Variants in RCOR1 observed in about 807,000 individuals in gnomAD.
RCOR1 encodes the protein REST corepressor 1, also known as REST corepressor.
Under a neutral mutation model 64.0 loss-of-function variants are expected in RCOR1, and 12 were observed. The ratio of observed to expected loss-of-function variants is 0.19; its 90% CI spans 0.12 to 0.30. The LOEUF (loss-of-function observed/expected upper bound fraction) is 0.30, where lower values mean the gene tolerates loss of function less well. Ranked by LOEUF, RCOR1 falls within the 10% of genes least tolerant of loss-of-function variation. The pLI, the probability that RCOR1 is intolerant of heterozygous loss-of-function variation, is 1.00. For synonymous variants in RCOR1, 279 were observed against 227.2 expected (o/e 1.23, Z -2.05); for missense variants, 502 against 621.2 (o/e 0.81, Z 2.04).
At chr14:102,640,513 C>T (rs1175092626) in intron 2 of RCOR1, among the ~76,000 whole-genome samples, 2 of 152,060 alleles carry the variant, frequency 1.3e-5, no homozygotes, top group Non-Finnish European at 1.5e-5. Flanking sequence ...GATCGAGACA[C>T]CTGTCTTGTA....
intron 2 of RCOR1, among the ~76,000 whole-genome samples, chr14:102,677,544 G>A (rs1431476440): frequency 2.4e-3 from 250 of 104,396 alleles, no homozygotes; most frequent in Middle Eastern, 0.015. Flanking sequence ...CAGCAGAGGC[G>A]CTCCTCACAT....
intron 2 of RCOR1, among the ~76,000 whole-genome samples, chr14:102,611,515 T>C (rs1443123223): frequency 6.6e-6 from 1 of 152,234 alleles, no homozygotes; most frequent in Non-Finnish European, 1.5e-5. Context: ...GATTTTTGGA[T>C]GCCAGACATC....
In RCOR1 at chr14:102,681,933, G is replaced by T; in HGVS notation, c.400G>T (p.Gly134Cys). 1 of 1,613,902 alleles carries T rather than the reference G, an allele frequency of 6.2e-7. No homozygotes were observed. The highest frequency in any genetic ancestry group is 1.7e-5 in the Admixed American group (1 of 60,006). ...ARRSQERDNL[G>C]MLVWSPNQNL... ...ACGCAGTCAAGAACGGGACAATCTTGGCATGTTGGTCTGGTCACCCAATCA... is the reference window on the plus strand; with the variant it reads ...ACGCAGTCAAGAACGGGACAATCTTTGCATGTTGGTCTGGTCACCCAATCA... Residue 134 changes from glycine to cysteine, a missense_variant, in exon 3 of 12, where the codon GGC becomes TGC. Physicochemically the swap from Gly to Cys is radical, Grantham distance 159 (BLOSUM62 -3). This residue lies in a region of RCOR1 where 242 missense variants were observed against 204.9 expected (regional missense o/e 1.18). Transcript: ENST00000262241.
intron 7 of RCOR1, 104 bp from the exon 8 acceptor site, chr14:102,714,318 AT>A (rs950425167): frequency 2.9e-6 from 2 of 686,170 alleles, no homozygotes; most frequent in African/African-American, 3.6e-5. Flanking sequence ...AGGGCATGGT[AT>A]TTGTCTTAGA....
At chr14:102,651,067 G>T in intron 2 of RCOR1, 5 of 984,470 alleles carry the variant, frequency 5.1e-6, no homozygotes, top group Non-Finnish European at 6.0e-6. Context: ...TAACATTGTT[G>T]CACAGTACAT....
At chr14:102,617,632 C>G (rs148651858) in intron 2 of RCOR1, among the ~76,000 whole-genome samples, 5,211 of 146,602 alleles carry the variant, frequency 0.036, 142 homozygotes, top group Non-Finnish European at 0.051. Flanking sequence ...CTCTGTCGCC[C>G]AGGCTGGAGT....
chr14:102,627,823 C>G (rs912986869), intron 2 of RCOR1, among the ~76,000 whole-genome samples: 1 of 152,044 alleles, frequency 6.6e-6, no homozygotes, highest in Non-Finnish European at 1.5e-5. Context: ...CTCCATGTTG[C>G]TAAATCCAGC....
intron 2 of RCOR1, among the ~76,000 whole-genome samples, chr14:102,597,122 C>G (rs1162333476): frequency 2.0e-5 from 3 of 152,050 alleles, no homozygotes; most frequent in Non-Finnish European, 2.9e-5. Flanking sequence ...ATCTGCCCCC[C>G]TCGGCCTCCC....
At chr14:102,676,833 C>T (rs1156631020) in intron 2 of RCOR1, among the ~76,000 whole-genome samples, 7 of 91,658 alleles carry the variant, frequency 7.6e-5, no homozygotes, top group East Asian at 8.1e-4. Flanking sequence ...ACCTCCCGGA[C>T]GGGGCGGCTG....
chr14:102,629,395 T>G (rs2139908090), intron 2 of RCOR1, among the ~76,000 whole-genome samples: 1 of 149,068 alleles, frequency 6.7e-6, no homozygotes, highest in South Asian at 2.1e-4. Context: ...GACGGTAAAC[T>G]GTGAGGTGAG....
At chr14:102,657,004 A>G in intron 2 of RCOR1, 1 of 716,112 alleles carries the variant, frequency 1.4e-6, no homozygotes, top group Non-Finnish European at 1.7e-6. Flanking sequence ...CGAACTCCTG[A>G]CCTCATGTGA....
intron 2 of RCOR1, among the ~76,000 whole-genome samples, chr14:102,641,690 T>C (rs920649949): frequency 3.9e-5 from 6 of 152,222 alleles, no homozygotes; most frequent in African/African-American, 7.2e-5. Flanking sequence ...AAGTAATTGC[T>C]GTTAACTCCA....
chr14:102,674,786 G>A (rs1006242027), intron 2 of RCOR1, among the ~76,000 whole-genome samples: 5 of 151,878 alleles, frequency 3.3e-5, no homozygotes, highest in Admixed American at 2.6e-4. Flanking sequence ...GATAAAAATC[G>A]ACTTTAGGCC....
At chr14:102,671,576 T>C (rs1174963194) in intron 2 of RCOR1, among the ~76,000 whole-genome samples, 1 of 152,028 alleles carries the variant, frequency 6.6e-6, no homozygotes, top group Non-Finnish European at 1.5e-5. Flanking sequence ...TTAAAAACTT[T>C]CAGAGATAGG....
chr14:102,676,196 A>G (rs1231243824), intron 2 of RCOR1, among the ~76,000 whole-genome samples: 1 of 150,282 alleles, frequency 6.7e-6, no homozygotes, highest in Admixed American at 6.6e-5. Context: ...CGCCATTGTC[A>G]TCATGGCCCA....
Position 102,728,679 on chromosome 14 carries a change from G to A in RCOR1, c.*2173G>A, listed in dbSNP as rs940822446. ...GTGGCAAACTGACCAGCAGTGCCAG[G>A]CCTTGATCTGTATTCTGCACTATCC... On this transcript the variant is annotated 3_prime_UTR_variant, in exon 12 of 12. Coordinates refer to ENST00000262241, the MANE Select transcript of RCOR1 (RefSeq NM_015156.4). The A allele has an allele frequency of 6.6e-6, 1 of 152,144 alleles. No individual in the cohort carries two copies. Among genetic ancestry groups the A allele is most frequent in the Non-Finnish European group, 1.5e-5 (1 of 68,032 alleles). 9.4% of individuals were successfully genotyped at this position (152,144 alleles called of 1,614,324 possible).
intron 8 of RCOR1, 129 bp downstream of exon 8, chr14:102,714,746 C>T (rs1198949430): frequency 1.5e-6 from 1 of 686,060 alleles, no homozygotes; most frequent in Non-Finnish European, 2.4e-6. Context: ...AGGAATTGGA[C>T]AGATCTTAAG....
intron 2 of RCOR1, among the ~76,000 whole-genome samples, chr14:102,636,569 A>G (rs939880137): frequency 4.0e-5 from 6 of 151,612 alleles, no homozygotes; most frequent in African/African-American, 7.3e-5. Flanking sequence ...GGTGTGAGCC[A>G]CTGCGCCTGG....
chr14:102,647,077 G>C (rs1190333), intron 2 of RCOR1, among the ~76,000 whole-genome samples: 149,606 of 152,336 alleles, frequency 0.98, 73,482 homozygotes, highest in Middle Eastern at 1. Context: ...ATGTTCAGAA[G>C]TGAAAATCAC....
Sources: gnomAD v4.1 joint callset for allele counts (sites outside exome capture counted in the v4.1 genomes callset) on GRCh38, gnomAD v4.1.1 for gene constraint, gnomAD v4.1.1 regional missense constraint, MANE v1.5 for transcripts, NCBI Gene and HGNC (gene_info 2026-07-23, HGNC 2026-07-21) for gene names.